GLI3: variants seen among roughly 807,000 people sequenced by gnomAD.
The protein encoded by GLI3 is GLI family zinc finger 3.
GLI3 carries 20 observed loss-of-function variants against 100.8 expected under a neutral mutation model. That is an observed-to-expected ratio of 0.20 (90% CI 0.14 to 0.29). The LOEUF is 0.29. Ranked by LOEUF, GLI3 falls within the 10% of genes least tolerant of loss-of-function variation. The probability of loss-of-function intolerance (pLI) is 1.00; values close to 1 mark genes in which losing one functional copy is unlikely to be tolerated. For synonymous variants in GLI3, 938 were observed against 860.5 expected (o/e 1.09, Z -1.58); for missense variants, 2,040 against 2,128.5 (o/e 0.96, Z 0.82).
intron 1 of GLI3, among the ~76,000 whole-genome samples, chr7:42,230,129 A>G (rs542890426): frequency 3.4e-4 from 49 of 142,034 alleles, no homozygotes; most frequent in Middle Eastern, 4.1e-3. Context: ...GCCCAACTTC[A>G]TAAGTTCTTA....
chr7:42,045,603 G>A, intron 5 of GLI3, 73 bp from the exon 6 acceptor site: 2 of 1,406,928 alleles, frequency 1.4e-6, no homozygotes, highest in Non-Finnish European at 2.0e-6. Flanking sequence ...AGGCATCTCA[G>A]AGTCCATTAC....
At chr7:41,974,280 G>C (rs991395203) in intron 12 of GLI3, among the ~76,000 whole-genome samples, 1 of 152,174 alleles carries the variant, frequency 6.6e-6, no homozygotes, top group Non-Finnish European at 1.5e-5. Context: ...ACCTGTGCCC[G>C]TGTGCCCTTG....
intron 10 of GLI3, among the ~76,000 whole-genome samples, chr7:42,014,999 C>T (rs1387099459): frequency 1.3e-5 from 2 of 152,180 alleles, no homozygotes; most frequent in Non-Finnish European, 2.9e-5. Context: ...GTACTACTTG[C>T]TATGGATTTT....
upstream of GLI3, among the ~76,000 whole-genome samples, chr7:42,239,941 C>T (rs892390646): frequency 1.3e-5 from 2 of 152,116 alleles, no homozygotes; most frequent in Non-Finnish European, 2.9e-5. Context: ...GAACGCTTTC[C>T]AAATTAAATC....
At chr7:42,030,693 TTTG>T (rs1789261200) in intron 7 of GLI3, among the ~76,000 whole-genome samples, 2 of 121,570 alleles carry the variant, frequency 1.6e-5, no homozygotes, top group South Asian at 4.6e-4. Context: ...CTATTGTTGA[TTTG>T]TTTTTTTTTT....
intron 1 of GLI3, among the ~76,000 whole-genome samples, chr7:42,259,483 T>C (rs1562802935): frequency 6.6e-6 from 1 of 152,230 alleles, no homozygotes; most frequent in Non-Finnish European, 1.5e-5. Flanking sequence ...ACAATTATAA[T>C]TTATTCTTTT....
At chr7:42,187,574 C>T (rs1787742090) in intron 2 of GLI3, among the ~76,000 whole-genome samples, 1 of 152,026 alleles carries the variant, frequency 6.6e-6, no homozygotes, top group African/African-American at 2.4e-5. Flanking sequence ...GAATAGTGTC[C>T]TCCCCAAAAT....
Position 42,078,675 on chromosome 7 carries a change from C to T in GLI3, c.368-1818G>A, listed in dbSNP as rs181851350. ...TGTAGTATCGTGATATACAACAATG[C>T]TGAAAATTCAACAGGTGAGGGATAT... On this transcript the variant is annotated intron_variant, in intron 3 of 14. Transcript: ENST00000395925. Among the ~76,000 whole-genome samples the T allele has an allele frequency of 2.5e-4, 37 of 150,628 alleles. No homozygotes were observed. The East Asian group carries it at 2.9e-3, about 12-fold the overall frequency.
At chr7:42,209,977 T>C (rs1788231153) in intron 2 of GLI3, among the ~76,000 whole-genome samples, 1 of 67,818 alleles carries the variant, frequency 1.5e-5, no homozygotes, top group African/African-American at 5.6e-5. Context: ...TACATCTCTT[T>C]AAGAATCTGA....
At chr7:42,219,936 C>T (rs1156254134) in intron 2 of GLI3, among the ~76,000 whole-genome samples, 1 of 150,934 alleles carries the variant, frequency 6.6e-6, no homozygotes, top group African/African-American at 2.4e-5. Flanking sequence ...TCACTGTAAG[C>T]TCCACCTCCC....
chr7:42,033,927 T>C (rs1789366577), intron 7 of GLI3, among the ~76,000 whole-genome samples: 1 of 152,186 alleles, frequency 6.6e-6, no homozygotes, highest in African/African-American at 2.4e-5. Context: ...CTCTTAAGTA[T>C]CTCAACATTT....
chr7:42,028,248 C>G (rs887074775), intron 7 of GLI3, among the ~76,000 whole-genome samples: 1 of 152,166 alleles, frequency 6.6e-6, no homozygotes, highest in African/African-American at 2.4e-5. Context: ...GCATGTATCT[C>G]CAAACACCTT....
At chr7:42,067,313 G>A (rs530679307) in intron 4 of GLI3, among the ~76,000 whole-genome samples, 2 of 152,162 alleles carry the variant, frequency 1.3e-5, no homozygotes, top group Non-Finnish European at 2.9e-5. Context: ...GGGAACCAGA[G>A]ATTACTTTGA....
At chr7:42,039,084 T>C (rs1466943535) in intron 7 of GLI3, among the ~76,000 whole-genome samples, 1 of 152,212 alleles carries the variant, frequency 6.6e-6, no homozygotes, top group Non-Finnish European at 1.5e-5. Flanking sequence ...CTTAAATTAT[T>C]GGCAAAAAAT....
At chr7:42,015,131 A>T (rs1359514754) in intron 10 of GLI3, among the ~76,000 whole-genome samples, 1 of 152,200 alleles carries the variant, frequency 6.6e-6, no homozygotes, top group Non-Finnish European at 1.5e-5. Context: ...GGATATTATT[A>T]TCTCCACTTT....
At chr7:42,040,505 T>C (rs1328744388) in intron 6 of GLI3, among the ~76,000 whole-genome samples, 2 of 152,200 alleles carry the variant, frequency 1.3e-5, no homozygotes, top group Non-Finnish European at 2.9e-5. Context: ...GAGAGATTTT[T>C]ATGTGTTATC....
intron 1 of GLI3, among the ~76,000 whole-genome samples, chr7:42,247,468 A>C (rs1028249312): frequency 6.6e-6 from 1 of 152,242 alleles, no homozygotes; most frequent in Non-Finnish European, 1.5e-5. Flanking sequence ...ATTCTTCCGC[A>C]GCTGTAAACA....
chr7:42,127,063 T>C (rs1189775127), intron 3 of GLI3, among the ~76,000 whole-genome samples: 1 of 152,220 alleles, frequency 6.6e-6, no homozygotes. Context: ...TTTGGATTTT[T>C]TTAGCTTTCA....
chr7:42,030,703 T>TG (rs1789263340), intron 7 of GLI3, among the ~76,000 whole-genome samples: 1 of 151,880 alleles, frequency 6.6e-6, no homozygotes, highest in African/African-American at 2.4e-5. Flanking sequence ...TTTGTTTTTT[T>TG]TTTTTTTGTT....
Sources: allele counts gnomAD v4.1 joint callset (sites outside exome capture counted in the v4.1 genomes callset), GRCh38; gene constraint gnomAD v4.1.1; transcripts MANE v1.5; gene names NCBI Gene and HGNC (gene_info 2026-07-23, HGNC 2026-07-21).